FAM76B: variants seen among roughly 807,000 people sequenced by gnomAD.
The protein encoded by FAM76B is family with sequence similarity 76 member B.
A neutral mutation model predicts 51.8 loss-of-function variants in FAM76B; 16 were observed. That is an observed-to-expected ratio of 0.31 (90% CI 0.21 to 0.47). FAM76B has a LOEUF of 0.47. Among genes scored for constraint, FAM76B ranks in the 20% least tolerant of loss-of-function variants. The pLI is 1.00. For synonymous variants in FAM76B, 166 were observed against 129.5 expected (o/e 1.28, Z -1.91); for missense variants, 342 against 392.6 (o/e 0.87, Z 1.09).
intron 9 of FAM76B, among the ~76,000 whole-genome samples, chr11:95,773,672 AG>A (rs1859871737): frequency 6.6e-6 from 1 of 151,292 alleles, no homozygotes; most frequent in Non-Finnish European, 1.5e-5. Flanking sequence ...AATGAGTTGA[AG>A]GAACTTATCA....
chr11:95,784,688 C>T (rs572823603), intron 4 of FAM76B, among the ~76,000 whole-genome samples: 6 of 151,542 alleles, frequency 4.0e-5, no homozygotes, highest in Non-Finnish European at 2.9e-5. Flanking sequence ...CCCGGGTTCA[C>T]GCCATTCTCC....
chr11:95,788,824 A>C lies in FAM76B; in HGVS notation c.88-261T>G. On this transcript the variant is annotated intron_variant, in intron 1 of 9. Coordinates refer to ENST00000358780, the MANE Select transcript of FAM76B (RefSeq NM_144664.5). ...AAAGCTGTCAGGGCCTATTTCAAGGATTGGTTAAATGTGAAACTACTTATT... is the reference window on the plus strand; with the variant it reads ...AAAGCTGTCAGGGCCTATTTCAAGGCTTGGTTAAATGTGAAACTACTTATT... 5 of 1,448,500 alleles carry C rather than the reference A, an allele frequency of 3.5e-6. No homozygotes were observed. In the South Asian group the frequency reaches 6.1e-5, roughly 18 times the overall value. 89.7% of individuals were successfully genotyped at this position (1,448,500 alleles called of 1,614,324 possible).
intron 5 of FAM76B, among the ~76,000 whole-genome samples, chr11:95,782,495 A>G (rs1565291893): frequency 6.6e-6 from 1 of 152,136 alleles, no homozygotes; most frequent in Non-Finnish European, 1.5e-5. Flanking sequence ...ATACTGAGGG[A>G]AAACTACAGT....
rs1258340348 is a variant in FAM76B, at chr11:95,789,602, A to ACCAGGGCCTCGCCGCGAGAGC, written c.-145_-125dup. On this transcript the variant is annotated 5_prime_UTR_variant, in exon 1 of 10. Transcript: ENST00000358780. Reference sequence around the variant, plus strand: ...CTCCCCCTCCCCCTGCCTCGCGCCCACCAGGGCCTCGCCGCGAGAGCCCAG... The same window carrying ACCAGGGCCTCGCCGCGAGAGC: ...CTCCCCCTCCCCCTGCCTCGCGCCCACCAGGGCCTCGCCGCGAGAGCCCAGGGCCTCGCCGCGAGAGCCCAG... The ACCAGGGCCTCGCCGCGAGAGC allele has an allele frequency of 1.4e-4, 107 of 779,178 alleles. 1 individual carries two copies. The highest frequency in any genetic ancestry group is 2.5e-4 in the East Asian group (8 of 31,852). The allele number at this position is 779,178 out of a possible 1,614,324, so 48.3% of individuals were successfully genotyped here.
In FAM76B at chr11:95,789,089, C is replaced by G; in HGVS notation, c.87+303G>C. ...GATGAAAACATCTCCACCCCTGGGT[C>G]TCTGCGGCATAGACAGGTGGCTGCC... On this transcript the variant is annotated intron_variant, in intron 1 of 9. Coordinates refer to ENST00000358780, the MANE Select transcript of FAM76B (RefSeq NM_144664.5). 2.1e-6 allele frequency: 3 copies of G among 1,415,630 alleles called. No individual in the cohort carries two copies. In the South Asian group the frequency reaches 4.1e-5, roughly 19 times the overall value. The allele number at this position is 1,415,630 out of a possible 1,614,324, so 87.7% of individuals were successfully genotyped here.
Position 95,789,585 on chromosome 11 carries a change from C to G in FAM76B, c.-107G>C, listed in dbSNP as rs1415173681. On this transcript the variant is annotated 5_prime_UTR_variant, in exon 1 of 10. Coordinates refer to ENST00000358780, the MANE Select transcript of FAM76B (RefSeq NM_144664.5). The stretch of plus-strand genomic sequence containing the variant: ...GCCGCGGGCTCCTCCTCCTCCCCCT[C>G]CCCCTGCCTCGCGCCCACCAGGGCC... 1 of 962,260 alleles carries G rather than the reference C, an allele frequency of 1.0e-6. No homozygotes were observed. Among genetic ancestry groups the G allele is most frequent in the Admixed American group, 2.9e-5 (1 of 34,750 alleles). 59.6% of individuals were successfully genotyped at this position (962,260 alleles called of 1,614,324 possible). A position where few individuals can be genotyped will look rare whatever the true frequency, so the allele number is the denominator to read the frequency against.
At chr11:95,788,856 C>T in intron 1 of FAM76B, 1 of 1,390,170 alleles carries the variant, frequency 7.2e-7, no homozygotes, top group Non-Finnish European at 9.5e-7. Context: ...TATTATTTTG[C>T]ACCGTTGCTC....
In FAM76B at chr11:95,789,450, G is replaced by A; in HGVS notation, c.29C>T (p.Thr10Ile). The change falls in exon 1 of 10, where the codon ACC becomes ATC. Residue 10 changes from threonine to isoleucine, a missense_variant. By Grantham distance (89) the Thr-to-Ile change is moderately conservative (BLOSUM62 -1). Coordinates refer to ENST00000358780, the MANE Select transcript of FAM76B (RefSeq NM_144664.5). MAASALYAC[T>I]KCTQRYPFEE... Reference sequence around the variant, plus strand: ...GAAAGGATAACGCTGGGTACACTTGGTGCAGGCGTACAGGGCCGAGGCCGC... The same window carrying A: ...GAAAGGATAACGCTGGGTACACTTGATGCAGGCGTACAGGGCCGAGGCCGC... The A allele has an allele frequency of 6.2e-7, 1 of 1,609,524 alleles. No homozygotes were observed. The highest frequency in any genetic ancestry group is 8.5e-7 in the Non-Finnish European group (1 of 1,178,186).
intron 3 of FAM76B, 198 bp from the exon 4 acceptor site, chr11:95,786,472 C>G: frequency 2.0e-6 from 1 of 508,890 alleles, no homozygotes; most frequent in Non-Finnish European, 3.4e-6. Flanking sequence ...TATTTCTAGT[C>G]ATGTAACTAT....
At chr11:95,789,323 G>A in intron 1 of FAM76B, 69 bp downstream of exon 1, 1 of 1,496,064 alleles carries the variant, frequency 6.7e-7, no homozygotes, top group South Asian at 1.2e-5. Flanking sequence ...CTGCAGTGCA[G>A]CGGCTACCCG....
At chr11:95,788,709 A>G (rs867123925) in intron 1 of FAM76B, 146 bp from the exon 2 acceptor site, 42 of 1,211,898 alleles carry the variant, frequency 3.5e-5, no homozygotes, top group South Asian at 9.0e-5. Flanking sequence ...GCTTTATCAT[A>G]TAAGTGGCCA....
intron 1 of FAM76B, 139 bp from the exon 2 acceptor site, chr11:95,788,702 TTATCATA>T (rs1860757995): frequency 1.6e-6 from 2 of 1,215,954 alleles, no homozygotes; most frequent in Non-Finnish European, 2.3e-6. Flanking sequence ...ACTGGATGCT[TTATCATA>T]TAAGTGGCCA....
At chr11:95,787,773 TAA>T in intron 2 of FAM76B, 95 bp from the exon 3 acceptor site, 1 of 1,070,556 alleles carries the variant, frequency 9.3e-7, no homozygotes, top group Non-Finnish European at 1.4e-6. Context: ...TTGTTGTACT[TAA>T]AACTTTAATA....
In FAM76B at chr11:95,789,623, C is replaced by G; in HGVS notation, c.-145G>C. ...GCCCACCAGGGCCTCGCCGCGAGAG[C>G]CCAGGGCCCCGCGGACGACGCCACC... On this transcript the variant is annotated 5_prime_UTR_variant, in exon 1 of 10. Transcript: ENST00000358780. 1.7e-6 allele frequency: 1 copy of G among 605,178 alleles called. No homozygotes were observed. The highest frequency in any genetic ancestry group is 3.3e-5 in the East Asian group (1 of 30,038). 37.5% of individuals were successfully genotyped at this position (605,178 alleles called of 1,614,324 possible).
At chr11:95,776,897 AAT>A in intron 8 of FAM76B, among the ~76,000 whole-genome samples, 1 of 151,372 alleles carries the variant, frequency 6.6e-6, no homozygotes, top group African/African-American at 2.4e-5. Flanking sequence ...CAACAGCAAA[AAT>A]AGAGAAAATC....
chr11:95,786,104 A>G lies in FAM76B; in HGVS notation c.363+15T>C, dbSNP rs1057270667. 6.3e-7 allele frequency: 1 copy of G among 1,590,406 alleles called. No individual in the cohort carries two copies. Among genetic ancestry groups the G allele is most frequent in the Non-Finnish European group, 8.6e-7 (1 of 1,167,076 alleles). Reference sequence around the variant, plus strand: ...TTTAATTTCCAGAAGATGTCATAACATAAATAAAGCATACCTTTCTTCTTC... The same window carrying G: ...TTTAATTTCCAGAAGATGTCATAACGTAAATAAAGCATACCTTTCTTCTTC... On this transcript the variant is annotated intron_variant, in intron 4 of 9. Transcript: ENST00000358780.
Position 95,787,653 on chromosome 11 carries a change from A to C in FAM76B, c.178T>G (p.Cys60Gly), listed in dbSNP as rs1860674750. The C allele has an allele frequency of 6.2e-7, 1 of 1,610,192 alleles. No individual in the cohort carries two copies. Among genetic ancestry groups the C allele is most frequent in the Non-Finnish European group, 8.5e-7 (1 of 1,177,474 alleles). ...ESKTNTICKK[C>G]AQNVKQFGTP... ...CCAAATTGCTTCACATTTTGAGCACACTTCTTACAAATTGTGTTAGTTTTG... is the reference window on the plus strand; with the variant it reads ...CCAAATTGCTTCACATTTTGAGCACCCTTCTTACAAATTGTGTTAGTTTTG... Residue 60 changes from cysteine (C) to glycine (G), a missense_variant, in exon 3 of 10, where the codon TGT becomes GGT. Physicochemically the swap from Cys to Gly is radical, Grantham distance 159. This residue lies in a region of FAM76B where 96 missense variants were observed against 94.7 expected (regional missense o/e 1.01). Coordinates refer to ENST00000358780, the MANE Select transcript of FAM76B (RefSeq NM_144664.5).
chr11:95,779,088 T>A (rs1860138538), intron 7 of FAM76B, 131 bp from the exon 8 acceptor site: 1 of 1,588,326 alleles, frequency 6.3e-7, no homozygotes, highest in East Asian at 2.2e-5. Flanking sequence ...CTGACAGAAA[T>A]GGATGCAACT....
intron 1 of FAM76B, chr11:95,789,007 C>T: frequency 7.4e-7 from 1 of 1,357,374 alleles, no homozygotes; most frequent in South Asian, 1.2e-5. Context: ...CAAGAAAGTG[C>T]AAAAACCGTC....
Sources: gnomAD v4.1 joint callset for allele counts (sites outside exome capture counted in the v4.1 genomes callset) on GRCh38, gnomAD v4.1.1 for gene constraint, gnomAD v4.1.1 regional missense constraint, MANE v1.5 for transcripts, NCBI Gene and HGNC (gene_info 2026-07-23, HGNC 2026-07-21) for gene names.